The following DENND2B variants were observed in gnomAD, a reference collection of about 807,000 sequenced individuals.
DENND2B encodes the protein DENN domain containing 2B.
In DENND2B, 32 loss-of-function variants were observed where a neutral mutation model predicts 116.0. The ratio of observed to expected loss-of-function variants is 0.28; its 90% confidence interval spans 0.21 to 0.37. The LOEUF is 0.37. Ranked by LOEUF, DENND2B falls within the 10% of genes least tolerant of loss-of-function variation. The pLI is 1.00. For missense variants in DENND2B, 1,276 were observed against 1,477.7 expected, an observed-to-expected ratio of 0.86 and a Z score of 2.24; for synonymous variants, 588 against 583.9, an observed-to-expected ratio of 1.01 and a Z score of -0.10.
At chr11:8,844,973 C>T (rs1347583980) in intron 3 of DENND2B, among the ~76,000 whole-genome samples, 5 of 152,026 alleles carry the variant, frequency 3.3e-5, no homozygotes, top group African/African-American at 1.2e-4. Flanking sequence ...AATTACTGGC[C>T]TCAAGTGATC....
At chr11:8,877,045 C>T (rs915496284) in intron 2 of DENND2B, among the ~76,000 whole-genome samples, 1 of 151,398 alleles carries the variant, frequency 6.6e-6, no homozygotes, top group Non-Finnish European at 1.5e-5. Context: ...ATGGTCCCCT[C>T]ACTCCTCTGT....
At chr11:8,808,507 A>T (rs999915018) in intron 1 of DENND2B, 1 of 152,224 alleles carries the variant, frequency 6.6e-6, no homozygotes, top group Non-Finnish European at 1.5e-5. Context: ...ACCCAACCCA[A>T]GGAAAGCAAC....
intron 7 of DENND2B, 63 bp from the exon 8 acceptor site, chr11:8,714,105 C>T (rs1455181973): frequency 2.6e-6 from 4 of 1,548,924 alleles, no homozygotes; most frequent in Non-Finnish European, 3.6e-6. Context: ...TTTGCTCCCC[C>T]ACCACCCCAG....
chr11:8,702,822 T>C lies in DENND2B; in HGVS notation c.2572-102A>G. On this transcript the variant is annotated intron_variant, in intron 13 of 19. Coordinates refer to ENST00000313726, the MANE Select transcript of DENND2B (RefSeq NM_213618.2). This position sits in a 1 kb window ranked among gnomAD's most constrained non-coding sequence, Gnocchi z 4.6. ...GAGCTGCTTTCCCCTTCCAACCTGC[T>C]CTTTTCCAGGTCTCTCGTCTACCCT... The C allele has an allele frequency of 6.9e-7, 1 of 1,444,994 alleles. No individual in the cohort carries two copies. Among genetic ancestry groups the C allele is most frequent in the South Asian group, 1.2e-5 (1 of 80,220 alleles). 89.5% of individuals were successfully genotyped at this position (1,444,994 alleles called of 1,614,324 possible).
chr11:8,862,615 G>A lies in DENND2B; in HGVS notation c.-249-5179C>T, dbSNP rs139544293. On this transcript the variant is annotated intron_variant, in intron 2 of 6. Coordinates refer to the DENND2B transcript ENST00000524757. ...CTCCCAGAGTGCTGGGATTACAGGT[G>A]AGTGCCACAGTGCCTGGCCAACTTT... is the stretch of plus-strand genomic sequence containing the variant. Among the ~76,000 whole-genome samples the A allele has an allele frequency of 2.6e-3, 394 of 152,252 alleles. 3 individuals carry two copies. Among genetic ancestry groups the A allele is most frequent in the Admixed American group, 0.021 (328 of 15,304 alleles).
At chr11:8,694,719 T>A (rs1237056698) in intron 19 of DENND2B, 2 of 424,240 alleles carry the variant, frequency 4.7e-6, no homozygotes, top group Non-Finnish European at 4.6e-6. Context: ...ACTGAACATA[T>A]ATAGACTTTT....
chr11:8,849,693 G>A (rs2062938629), intron 3 of DENND2B, among the ~76,000 whole-genome samples: 1 of 148,626 alleles, frequency 6.7e-6, no homozygotes, highest in African/African-American at 2.5e-5. Flanking sequence ...TGTGGTGGCA[G>A]GCACCTGTAA....
chr11:8,721,479 C>T (rs1462602111), intron 4 of DENND2B, among the ~76,000 whole-genome samples: 1 of 139,620 alleles, frequency 7.2e-6, no homozygotes, highest in African/African-American at 2.6e-5. Context: ...TACTAGGGTC[C>T]TGGGTCTGCA....
intron 1 of DENND2B, among the ~76,000 whole-genome samples, chr11:8,802,822 A>G (rs2060474250): frequency 6.6e-6 from 1 of 152,214 alleles, no homozygotes; most frequent in East Asian, 1.9e-4. Flanking sequence ...GCACCAAGAG[A>G]AACCTACCTT....
rs1403977713 is a variant in DENND2B, at chr11:8,721,277, C to G, written c.1478-3385G>C. On this transcript the variant is annotated intron_variant, in intron 4 of 19. Coordinates refer to ENST00000313726, the MANE Select transcript of DENND2B (RefSeq NM_213618.2). ...CACTCCTCCCCACAACCTCCCACTCCTCCCTACAACCTCCCACTCCTCTCC... is the reference window on the plus strand; with the variant it reads ...CACTCCTCCCCACAACCTCCCACTCGTCCCTACAACCTCCCACTCCTCTCC... Among the ~76,000 whole-genome samples the G allele has an allele frequency of 5.3e-5, 8 of 152,044 alleles. No homozygotes were observed. In the East Asian group the frequency reaches 1.6e-3, roughly 30 times the overall value.
chr11:8,816,981 AG>A (rs1327243931), intron 4 of DENND2B, among the ~76,000 whole-genome samples: 4 of 152,212 alleles, frequency 2.6e-5, no homozygotes, highest in Non-Finnish European at 5.9e-5. Flanking sequence ...GATCAGACAG[AG>A]GTCCATCACC....
At position 8,707,123 on chromosome 11, in the gene DENND2B, T is replaced by C. The variant is rs1295269258; in HGVS notation, c.2533A>G (p.Ile845Val). Residue 845 changes from isoleucine to valine, a missense_variant, in exon 13 of 20, where the codon ATC (isoleucine) becomes GTC (valine). This residue lies in a region of DENND2B where 420 missense variants were observed against 631.1 expected (regional missense o/e 0.67). Transcript: ENST00000313726. The surrounding 1 kb of genome is among the most constrained non-coding windows in gnomAD (Gnocchi z 4.8). The stretch of plus-strand genomic sequence containing the variant: ...CCTGGCAGGAATGTCTTCACTTTGA[T>C]GGTCTTCCCTGGGGCTGGGAAGGGC... Reference protein sequence around the residue: ...ESPFPAPGKTIKVKTFLPGAG... With the variant: ...ESPFPAPGKTVKVKTFLPGAG... 6 of 1,613,772 alleles carry C rather than the reference T, an allele frequency of 3.7e-6. No homozygotes were observed. Among genetic ancestry groups the C allele is most frequent in the Non-Finnish European group, 5.1e-6 (6 of 1,179,832 alleles).
At chr11:8,719,237 T>A in intron 4 of DENND2B, 1 of 985,422 alleles carries the variant, frequency 1.0e-6, no homozygotes, top group East Asian at 1.1e-4. Flanking sequence ...TGCTTGCAGA[T>A]TCCTCCATTT....
chr11:8,696,537 C>T lies in DENND2B; in HGVS notation c.3182G>A (p.Arg1061His), dbSNP rs770258833. 1.7e-5 allele frequency: 27 copies of T among 1,614,070 alleles called. No individual in the cohort carries two copies. Among genetic ancestry groups the T allele is most frequent in the Admixed American group, 5.0e-5 (3 of 60,000 alleles). The change falls in exon 18 of 20, where the codon CGC (arginine) becomes CAC (histidine). Residue 1061 changes from arginine to histidine, a missense_variant. Physicochemically the swap from Arg to His is conservative, Grantham distance 29. Coordinates refer to ENST00000313726, the MANE Select transcript of DENND2B (RefSeq NM_213618.2). ...GERAFQREAF[R>H]KSVASKSIRR... ...GATGCTTTTGGAGGCCACAGATTTG[C>T]GGAAGGCCTCTCGCTGAAAGGCCCT...
intron 4 of DENND2B, among the ~76,000 whole-genome samples, chr11:8,725,057 C>T (rs949421126): frequency 2.6e-5 from 4 of 152,214 alleles, no homozygotes; most frequent in Admixed American, 6.5e-5. Context: ...AAGTCCTTTG[C>T]GACCCAGGGG....
intron 2 of DENND2B, among the ~76,000 whole-genome samples, chr11:8,742,182 G>A (rs1179728499): frequency 6.6e-6 from 1 of 152,204 alleles, no homozygotes; most frequent in Non-Finnish European, 1.5e-5. Context: ...TTACAAGCGT[G>A]AGCCACTGCG....
intron 1 of DENND2B, among the ~76,000 whole-genome samples, chr11:8,799,561 CT>C (rs67190732): frequency 0.56 from 63,355 of 113,344 alleles, 18,446 homozygotes; most frequent in Non-Finnish European, 0.67. Flanking sequence ...TCCTTTTTCT[CT>C]TTTTTTTTTT....
At chr11:8,733,030 C>G (rs987204653) in intron 2 of DENND2B, among the ~76,000 whole-genome samples, 3 of 152,234 alleles carry the variant, frequency 2.0e-5, no homozygotes, top group Non-Finnish European at 4.4e-5. Context: ...GAAACCTCAA[C>G]ATGCTTAAGT....
chr11:8,867,462 C>T (rs2063622818), intron 2 of DENND2B, among the ~76,000 whole-genome samples: 1 of 152,020 alleles, frequency 6.6e-6, no homozygotes, highest in Non-Finnish European at 1.5e-5. Context: ...CCTGTTTTTC[C>T]TCCATAACAC....
Sources: allele counts gnomAD v4.1 joint callset (sites outside exome capture counted in the v4.1 genomes callset), GRCh38; gene constraint gnomAD v4.1.1; regional missense constraint gnomAD v4.1.1; non-coding constraint Gnocchi (gnomAD v3.1); transcripts MANE v1.5; gene names NCBI Gene and HGNC (gene_info 2026-07-23, HGNC 2026-07-21).